GLI3: variants seen among roughly 807,000 people sequenced by gnomAD.
GLI3 encodes the protein transcription activator GLI3.
In GLI3, 20 loss-of-function variants were observed where a neutral mutation model predicts 100.8. The observed-to-expected ratio is 0.20, with a 90% CI of 0.14 to 0.29. The LOEUF is 0.29. Ranked by LOEUF, GLI3 falls within the 10% of genes least tolerant of loss-of-function variation. The pLI, the probability that GLI3 is intolerant of heterozygous loss-of-function variation, is 1.00. For missense variants in GLI3, 2,040 were observed against 2,128.5 expected (o/e 0.96, Z 0.82); for synonymous variants, 938 against 860.5 (o/e 1.09, Z -1.58).
chr7:41,964,752 C>T lies in GLI3; in HGVS notation c.4321G>A (p.Gly1441Ser), dbSNP rs1702185976. 1 of 1,613,962 alleles carries T rather than the reference C, an allele frequency of 6.2e-7. No individual in the cohort carries two copies. The highest frequency in any genetic ancestry group is 1.7e-5 in the Admixed American group (1 of 60,010). ...CCCACGGTTTGGTCATAGAACTGACCAGAGTAATTCTGCAGATTAGAGCAC... is the reference window on the plus strand; with the variant it reads ...CCCACGGTTTGGTCATAGAACTGACTAGAGTAATTCTGCAGATTAGAGCAC... ...PLCSNLQNYSGQFYDQTVGFS... is the reference protein window; with the variant it reads ...PLCSNLQNYSSQFYDQTVGFS... The change falls in exon 15 of 15, where the codon GGT becomes AGT. Residue 1441 changes from glycine to serine, a missense_variant. This residue lies in a region of GLI3 where 1,041 missense variants were observed against 924.0 expected (regional missense o/e 1.13). Transcript: ENST00000395925.
intron 3 of GLI3, among the ~76,000 whole-genome samples, chr7:42,127,485 C>T (rs1562745434): frequency 1.3e-5 from 2 of 152,192 alleles, no homozygotes; most frequent in Admixed American, 6.5e-5. Flanking sequence ...AGCACACATG[C>T]ATCCCCATGA....
chr7:42,150,641 G>A (rs1786835401), intron 2 of GLI3, among the ~76,000 whole-genome samples: 1 of 152,164 alleles, frequency 6.6e-6, no homozygotes, highest in Non-Finnish European at 1.5e-5. Context: ...CACATAATTA[G>A]CATTCTCTGG....
At position 42,192,835 on chromosome 7, in the gene GLI3, T is replaced by TC. The variant is rs941198565; in HGVS notation, c.124+30294dup. Among the ~76,000 whole-genome samples the TC allele has an allele frequency of 2.6e-5, 4 of 152,322 alleles. No homozygotes were observed. The East Asian group carries it at 7.7e-4, about 29-fold the overall frequency. The stretch of plus-strand genomic sequence containing the variant: ...CACCTTGAATTCGTGCCTTTGGCAG[T>TC]CCCTTCTCTACCACTTAGCACCAAA... On this transcript the variant is annotated intron_variant, in intron 2 of 14. Coordinates refer to ENST00000395925, the MANE Select transcript of GLI3 (RefSeq NM_000168.6).
At chr7:42,260,470 T>C (rs1284291586) in intron 1 of GLI3, among the ~76,000 whole-genome samples, 1 of 152,218 alleles carries the variant, frequency 6.6e-6, no homozygotes, top group Non-Finnish European at 1.5e-5. Context: ...ATGTATACTA[T>C]GTGTGTGTAT....
intron 1 of GLI3, among the ~76,000 whole-genome samples, chr7:42,250,056 C>G (rs934127669): frequency 6.6e-6 from 1 of 152,084 alleles, no homozygotes; most frequent in Non-Finnish European, 1.5e-5. Flanking sequence ...GATCACACCA[C>G]TGCACTTCAT....
chr7:42,114,683 G>A (rs934124438), intron 3 of GLI3, among the ~76,000 whole-genome samples: 25 of 151,908 alleles, frequency 1.6e-4, no homozygotes, highest in African/African-American at 5.6e-4. Flanking sequence ...TGTGCAGGTC[G>A]GGGAGAGTTT....
chr7:42,250,100 CA>C (rs75155536), intron 1 of GLI3, among the ~76,000 whole-genome samples: 59,051 of 143,730 alleles, frequency 0.41, 13,190 homozygotes, highest in East Asian at 0.71. Context: ...GTCTCAACAA[CA>C]AAAAAAAAGT....
chr7:42,009,402 T>G (rs1245028438), intron 10 of GLI3, among the ~76,000 whole-genome samples: 1 of 152,080 alleles, frequency 6.6e-6, no homozygotes, highest in African/African-American at 2.4e-5. Flanking sequence ...CCCTTGGAAC[T>G]TTCTGAATTC....
At chr7:42,166,980 C>T (rs185526582) in intron 2 of GLI3, among the ~76,000 whole-genome samples, 1 of 152,170 alleles carries the variant, frequency 6.6e-6, no homozygotes, top group East Asian at 1.9e-4. Context: ...TACATGCCAC[C>T]ACGCCTGACT....
chr7:42,151,638 G>GT (rs1176906759), intron 2 of GLI3: 5 of 152,184 alleles, frequency 3.3e-5, no homozygotes, highest in Non-Finnish European at 7.3e-5. Flanking sequence ...GCTTCTCTAT[G>GT]TTTAACAGCT....
At chr7:42,016,815 C>T (rs529067034) in intron 10 of GLI3, among the ~76,000 whole-genome samples, 16 of 152,300 alleles carry the variant, frequency 1.1e-4, no homozygotes, top group African/African-American at 3.6e-4. Flanking sequence ...TCCTAGGAGT[C>T]TTTTCCAGTA....
chr7:42,257,259 CT>C (rs919683250), intron 1 of GLI3, among the ~76,000 whole-genome samples: 7 of 148,604 alleles, frequency 4.7e-5, no homozygotes, highest in East Asian at 2.0e-4. Context: ...CTTTTTCTTT[CT>C]TTTTTTTTCT....
intron 3 of GLI3, among the ~76,000 whole-genome samples, chr7:42,140,114 G>C (rs952121008): frequency 3.3e-5 from 5 of 152,132 alleles, no homozygotes. Flanking sequence ...TTTTTGCCTA[G>C]ATTACTCTTT....
chr7:42,182,642 GTGTA>G, intron 2 of GLI3, among the ~76,000 whole-genome samples: 1 of 39,354 alleles, frequency 2.5e-5, no homozygotes, highest in Non-Finnish European at 4.2e-5. Context: ...GTATATGTGT[GTGTA>G]TATATATATA....
chr7:42,062,730 C>CAT lies in GLI3; in HGVS notation c.473+14021_473+14022insAT, dbSNP rs1457890323. Among the ~76,000 whole-genome samples the CAT allele has an allele frequency of 4.8e-4, 73 of 151,946 alleles. 1 individual carries two copies. The highest frequency in any genetic ancestry group is 1.5e-3 in the African/African-American group (63 of 41,420). The stretch of plus-strand genomic sequence containing the variant: ...ACACACAGACACACACACACACACA[C>CAT]ACACATTTCTAAGAGCAGCCTGAAC... On this transcript the variant is annotated intron_variant, in intron 4 of 14. Coordinates refer to ENST00000395925, the MANE Select transcript of GLI3 (RefSeq NM_000168.6).
chr7:42,091,606 G>A (rs1328916607), intron 3 of GLI3, among the ~76,000 whole-genome samples: 2 of 152,224 alleles, frequency 1.3e-5, no homozygotes, highest in Non-Finnish European at 2.9e-5. Context: ...GAACACAGCA[G>A]AAGTCCCTCT....
intron 3 of GLI3, among the ~76,000 whole-genome samples, chr7:42,088,183 T>C (rs1014693537): frequency 6.6e-6 from 1 of 152,230 alleles, no homozygotes; most frequent in Non-Finnish European, 1.5e-5. Context: ...TCAAAGACAT[T>C]GGCTATGTGA....
At chr7:42,008,516 T>G (rs2039052731) in intron 10 of GLI3, among the ~76,000 whole-genome samples, 1 of 152,210 alleles carries the variant, frequency 6.6e-6, no homozygotes, top group South Asian at 2.1e-4. Context: ...TCACAAGTGC[T>G]CACTGCAGCC....
intron 10 of GLI3, among the ~76,000 whole-genome samples, chr7:41,979,342 G>A (rs1353498512): frequency 1.3e-5 from 2 of 152,240 alleles, no homozygotes; most frequent in Non-Finnish European, 2.9e-5. Flanking sequence ...ATTATACTGA[G>A]GAAGAGGACT....
Sources: allele counts gnomAD v4.1 joint callset (sites outside exome capture counted in the v4.1 genomes callset), GRCh38; gene constraint gnomAD v4.1.1; regional missense constraint gnomAD v4.1.1; transcripts MANE v1.5; gene names NCBI Gene and HGNC (gene_info 2026-07-23, HGNC 2026-07-21).